The following TTLL5 variants were observed in gnomAD, a reference collection of about 807,000 sequenced individuals.
TTLL5 encodes the protein tubulin tyrosine ligase like 5.
Under a neutral mutation model 168.4 loss-of-function variants are expected in TTLL5, and 132 were observed. The ratio of observed to expected loss-of-function variants is 0.78; its 90% CI spans 0.68 to 0.91. TTLL5 has a LOEUF of 0.91. TTLL5 is among the 40% of genes least tolerant of loss of function. TTLL5 has a pLI of 0.00. For missense variants in TTLL5, 1,545 were observed against 1,581.5 expected (o/e 0.98, Z 0.39); for synonymous variants, 546 against 558.6 (o/e 0.98, Z 0.32).
chr14:75,936,596 G>A (rs1195447821), intron 31 of TTLL5, among the ~76,000 whole-genome samples: 1 of 152,206 alleles, frequency 6.6e-6, no homozygotes, highest in Non-Finnish European at 1.5e-5. Context: ...TGACCACAGA[G>A]TGAGGGAAGC....
intron 29 of TTLL5, among the ~76,000 whole-genome samples, chr14:75,877,921 T>C (rs896391620): frequency 6.6e-6 from 1 of 152,156 alleles, no homozygotes; most frequent in Non-Finnish European, 1.5e-5. Context: ...TGTTCCTGGG[T>C]TTCTTCTTAT....
intron 9 of TTLL5, among the ~76,000 whole-genome samples, chr14:75,715,264 C>CT (rs1201985101): frequency 0.035 from 4,599 of 130,928 alleles, 150 homozygotes; most frequent in South Asian, 0.055. Context: ...CACCATCTTC[C>CT]TTTTTTTTTT....
chr14:75,942,729 A>G (rs945150730), intron 31 of TTLL5, among the ~76,000 whole-genome samples: 3 of 152,194 alleles, frequency 2.0e-5, no homozygotes, highest in East Asian at 1.9e-4. Flanking sequence ...TGCATTCTCT[A>G]TGGCCTAAAC....
At chr14:75,732,173 T>G (rs1888590699) in intron 12 of TTLL5, 165 bp from the exon 13 acceptor site, 1 of 572,690 alleles carries the variant, frequency 1.7e-6, no homozygotes, top group Non-Finnish European at 3.1e-6. Context: ...TTAATTTCTC[T>G]TGAACTTGAA....
chr14:75,722,042 G>A (rs962833849), intron 12 of TTLL5, among the ~76,000 whole-genome samples: 2 of 152,108 alleles, frequency 1.3e-5, no homozygotes, highest in Non-Finnish European at 2.9e-5. Context: ...GGCTTCTAAG[G>A]TAACTCAGGT....
intron 28 of TTLL5, among the ~76,000 whole-genome samples, chr14:75,827,561 T>A (rs796829746): frequency 3.2e-4 from 48 of 152,228 alleles, no homozygotes; most frequent in African/African-American, 1.2e-3. Flanking sequence ...GTGTTCATTA[T>A]AAGTTACAAA....
rs569032089 is a variant in TTLL5 at position 75,711,210 on chromosome 14, C to A, written c.740+3503C>A. The A allele has an allele frequency of 2.4e-3, 362 of 152,280 alleles. 3 individuals carry two copies. The highest frequency in any genetic ancestry group is 0.011 in the South Asian group (55 of 4,826). The allele number at this position is 152,280 out of a possible 1,614,324, so 9.4% of individuals were successfully genotyped here. A position where few individuals can be genotyped will look rare whatever the true frequency, so the allele number is the denominator to read the frequency against. On this transcript the variant is annotated intron_variant, in intron 9 of 31. Coordinates refer to ENST00000298832, the MANE Select transcript of TTLL5 (RefSeq NM_015072.5). Reference sequence around the variant, plus strand: ...AGTATTGAAGAAGTGTTGCAATTGTCCCCCTGGTATTTGGGTGCAGCTTTT... The same window carrying A: ...AGTATTGAAGAAGTGTTGCAATTGTACCCCTGGTATTTGGGTGCAGCTTTT...
chr14:75,923,568 C>T (rs1221878219), intron 31 of TTLL5, among the ~76,000 whole-genome samples: 5 of 152,172 alleles, frequency 3.3e-5, no homozygotes, highest in Admixed American at 6.5e-5. Flanking sequence ...CACTGTGATC[C>T]GAGAGACAGT....
chr14:75,811,103 G>A (rs544622709), intron 27 of TTLL5, among the ~76,000 whole-genome samples: 3 of 151,148 alleles, frequency 2.0e-5, no homozygotes, highest in East Asian at 3.9e-4. Flanking sequence ...CTGGAGGTAG[G>A]GGGTGGGAGG....
At chr14:75,873,933 A>G (rs1424771925) in intron 29 of TTLL5, among the ~76,000 whole-genome samples, 1 of 152,248 alleles carries the variant, frequency 6.6e-6, no homozygotes, top group Non-Finnish European at 1.5e-5. Context: ...CCCAAGGCTC[A>G]TTAAGTATTA....
At chr14:75,784,443 A>G (rs1892251568) in intron 26 of TTLL5, among the ~76,000 whole-genome samples, 2 of 152,258 alleles carry the variant, frequency 1.3e-5, no homozygotes, top group South Asian at 4.1e-4. Flanking sequence ...TTATGGCTGA[A>G]TAATATTCCA....
chr14:75,675,223 A>G (rs575731361), intron 3 of TTLL5, among the ~76,000 whole-genome samples: 1 of 152,348 alleles, frequency 6.6e-6, no homozygotes, highest in South Asian at 2.1e-4. Flanking sequence ...TCCTAATTCT[A>G]GGTAACCTAA....
intron 31 of TTLL5, among the ~76,000 whole-genome samples, chr14:75,903,887 C>G (rs964987833): frequency 4.0e-5 from 6 of 149,322 alleles, no homozygotes; most frequent in Admixed American, 4.0e-4. Context: ...AGGGCAAGAC[C>G]CTACCTCTAA....
rs185961178 is a variant in TTLL5 at position 75,663,083 on chromosome 14, C to A, written c.-67C>A. On this transcript the variant is annotated 5_prime_UTR_variant, in exon 2 of 32. Coordinates refer to ENST00000298832, the MANE Select transcript of TTLL5 (RefSeq NM_015072.5). ...TCTGTGCCATCCAAATTGCTTGATCCAGTGAATCTGCTAGGAAAGGTCTCT... is the reference window on the plus strand; with the variant it reads ...TCTGTGCCATCCAAATTGCTTGATCAAGTGAATCTGCTAGGAAAGGTCTCT... 2.8e-6 allele frequency: 4 copies of A among 1,429,202 alleles called. No homozygotes were observed. In the Admixed American group the frequency reaches 7.1e-5, roughly 26 times the overall value. 88.5% of individuals were successfully genotyped at this position (1,429,202 alleles called of 1,614,324 possible).
At chr14:75,884,262 C>T (rs1023255320) in intron 30 of TTLL5, among the ~76,000 whole-genome samples, 6 of 152,188 alleles carry the variant, frequency 3.9e-5, no homozygotes, top group African/African-American at 7.2e-5. Flanking sequence ...GAGCCAAATG[C>T]GAATGTTGAA....
intron 26 of TTLL5, 48 bp from the exon 27 acceptor site, chr14:75,792,868 C>G: frequency 6.8e-7 from 1 of 1,481,098 alleles, no homozygotes; most frequent in Non-Finnish European, 9.0e-7. Flanking sequence ...TAATTTTTTT[C>G]AGGCCTTTTT....
At chr14:75,762,034 T>C (rs987744938) in intron 18 of TTLL5, among the ~76,000 whole-genome samples, 1 of 152,090 alleles carries the variant, frequency 6.6e-6, no homozygotes, top group African/African-American at 2.4e-5. Flanking sequence ...TTGTAGAAAC[T>C]AGGTGGTAAG....
At chr14:75,867,507 A>T (rs1244414807) in intron 29 of TTLL5, among the ~76,000 whole-genome samples, 2 of 152,184 alleles carry the variant, frequency 1.3e-5, no homozygotes, top group Admixed American at 6.5e-5. Flanking sequence ...TATGCCTGTA[A>T]TCCCAGCACT....
At chr14:75,923,297 A>G (rs1157283595) in intron 31 of TTLL5, among the ~76,000 whole-genome samples, 1 of 151,738 alleles carries the variant, frequency 6.6e-6, no homozygotes, top group African/African-American at 2.4e-5. Context: ...TTCCATTGTG[A>G]TGTTAGGGTG....
Sources: allele counts gnomAD v4.1 joint callset (sites outside exome capture counted in the v4.1 genomes callset), GRCh38; gene constraint gnomAD v4.1.1; transcripts MANE v1.5; gene names NCBI Gene and HGNC (gene_info 2026-07-23, HGNC 2026-07-21).